The following EPHA6 variants were observed in gnomAD, a reference collection of about 807,000 sequenced individuals.
The protein encoded by EPHA6 is EPH receptor A6.
EPHA6 carries 50 observed loss-of-function variants against 112.0 expected under a neutral mutation model. The observed-to-expected ratio is 0.45, with a 90% CI of 0.36 to 0.56. EPHA6 has a LOEUF of 0.56. EPHA6 is among the 20% of genes least tolerant of loss of function. The pLI, the probability that EPHA6 is intolerant of heterozygous loss-of-function variation, is 0.00. For missense variants in EPHA6, 1,280 were observed against 1,417.4 expected (o/e 0.90, Z 1.56); for synonymous variants, 529 against 490.7 (o/e 1.08, Z -1.03).
chr3:97,524,773 T>C (rs966366149), intron 10 of EPHA6, among the ~76,000 whole-genome samples: 4 of 152,120 alleles, frequency 2.6e-5, no homozygotes, highest in African/African-American at 9.7e-5. Context: ...ACTTATTTTT[T>C]AGCACTTTCA....
intron 14 of EPHA6, among the ~76,000 whole-genome samples, chr3:97,701,457 C>G (rs2033383930): frequency 6.6e-6 from 1 of 152,026 alleles, no homozygotes. Flanking sequence ...AATTGGAGTG[C>G]ATTAACAGTT....
At chr3:96,964,243 G>C (rs1260141037) in intron 2 of EPHA6, among the ~76,000 whole-genome samples, 1 of 152,094 alleles carries the variant, frequency 6.6e-6, no homozygotes, top group African/African-American at 2.4e-5. Context: ...CTGCAGAAAA[G>C]AGGTGGCCCC....
intron 11 of EPHA6, among the ~76,000 whole-genome samples, chr3:97,543,894 T>C (rs955257920): frequency 7.9e-5 from 12 of 152,072 alleles, no homozygotes; most frequent in Non-Finnish European, 1.6e-4. Context: ...TGGCTCTCTG[T>C]CTGTTATTGG....
At chr3:97,735,843 C>T (rs1409228470) in intron 15 of EPHA6, 82 bp from the exon 16 acceptor site, 6 of 1,067,496 alleles carry the variant, frequency 5.6e-6, no homozygotes, top group African/African-American at 1.6e-5. Context: ...ATTTTGGCTT[C>T]TTCTGCTTGT....
chr3:97,312,019 A>C (rs1487756123), intron 5 of EPHA6, among the ~76,000 whole-genome samples: 1 of 151,578 alleles, frequency 6.6e-6, no homozygotes, highest in Non-Finnish European at 1.5e-5. Context: ...TTGTATATTT[A>C]ATGTTGAGAT....
At chr3:97,291,064 T>C (rs977089160) in intron 5 of EPHA6, among the ~76,000 whole-genome samples, 1 of 152,142 alleles carries the variant, frequency 6.6e-6, no homozygotes, top group Non-Finnish European at 1.5e-5. Context: ...GGCTGGCATG[T>C]TGTGTTTTGA....
chr3:97,434,143 C>T (rs1215425245), intron 6 of EPHA6, among the ~76,000 whole-genome samples: 1 of 151,992 alleles, frequency 6.6e-6, no homozygotes, highest in Non-Finnish European at 1.5e-5. Flanking sequence ...ATGTAAATCA[C>T]TTAGTGACAT....
chr3:96,849,082 A>G (rs2035242628), intron 1 of EPHA6, among the ~76,000 whole-genome samples: 2 of 152,172 alleles, frequency 1.3e-5, no homozygotes, highest in Admixed American at 6.6e-5. Context: ...GCTGAAGTAA[A>G]TAAGACATGA....
rs946389802 is a variant in EPHA6, at chr3:97,759,193, A to G, written c.*10492A>G. Among the ~76,000 whole-genome samples, 1 of 152,048 alleles carries G rather than the reference A, an allele frequency of 6.6e-6. No individual in the cohort carries two copies. The stretch of plus-strand genomic sequence containing the variant: ...TTAAGAAGTCAAGATTAGAACAAAG[A>G]CATGTCCATGGGAATTAGCAACATG... On this transcript the variant is annotated 3_prime_UTR_variant, in exon 18 of 18. Coordinates refer to ENST00000389672, the MANE Select transcript of EPHA6 (RefSeq NM_001080448.3).
intron 3 of EPHA6, among the ~76,000 whole-genome samples, chr3:97,181,583 A>ATG (rs1390119025): frequency 1.0e-4 from 13 of 129,196 alleles, no homozygotes; most frequent in African/African-American, 3.6e-4. Flanking sequence ...GTGTATATAT[A>ATG]TATGTGTGTG....
At chr3:97,582,725 A>G (rs564361083) in intron 11 of EPHA6, among the ~76,000 whole-genome samples, 2 of 152,310 alleles carry the variant, frequency 1.3e-5, no homozygotes, top group South Asian at 4.1e-4. Flanking sequence ...ATTAAATAGT[A>G]ACATGGAAAT....
chr3:97,564,586 A>T (rs1019024461), intron 11 of EPHA6, among the ~76,000 whole-genome samples: 1 of 152,192 alleles, frequency 6.6e-6, no homozygotes, highest in Non-Finnish European at 1.5e-5. Flanking sequence ...AAATTTAGAA[A>T]TCACAGAGTA....
intron 6 of EPHA6, among the ~76,000 whole-genome samples, chr3:97,424,643 A>G (rs1246687721): frequency 6.6e-6 from 1 of 151,936 alleles, no homozygotes; most frequent in East Asian, 1.9e-4. Flanking sequence ...ATCTCTACTA[A>G]AAATACAAAA....
intron 3 of EPHA6, among the ~76,000 whole-genome samples, chr3:97,103,867 T>C (rs191494253): frequency 3.3e-5 from 5 of 152,230 alleles, no homozygotes; most frequent in Admixed American, 6.5e-5. Context: ...TTCACCTCCC[T>C]GGTTAGCTGT....
In EPHA6 at chr3:97,308,566, A is replaced by G. The variant is rs189637961; in HGVS notation, c.1606+64279A>G. ...CCATCTTATCCCTCTATTAACTCCTAATTATCTTTCAAAAATCCAACTGAA... is the reference window on the plus strand; with the variant it reads ...CCATCTTATCCCTCTATTAACTCCTGATTATCTTTCAAAAATCCAACTGAA... On this transcript the variant is annotated intron_variant, in intron 5 of 17. Transcript: ENST00000389672. Among the ~76,000 whole-genome samples the G allele has an allele frequency of 1.1e-4, 16 of 151,802 alleles. No homozygotes were observed. The East Asian group carries it at 2.7e-3, about 26-fold the overall frequency.
At chr3:97,468,543 T>C (rs1023172495) in intron 7 of EPHA6, among the ~76,000 whole-genome samples, 2 of 151,592 alleles carry the variant, frequency 1.3e-5, no homozygotes. Flanking sequence ...GATATCAGTA[T>C]AATACTAAGT....
chr3:97,510,973 G>C (rs1340828047), intron 10 of EPHA6, among the ~76,000 whole-genome samples: 1 of 152,204 alleles, frequency 6.6e-6, no homozygotes, highest in Non-Finnish European at 1.5e-5. Flanking sequence ...CTTCCCAGCA[G>C]CTTTGTTTAC....
chr3:97,569,209 A>G lies in EPHA6; in HGVS notation c.2387-23403A>G, dbSNP rs549318285. On this transcript the variant is annotated intron_variant, in intron 11 of 17. Coordinates refer to ENST00000389672, the MANE Select transcript of EPHA6 (RefSeq NM_001080448.3). ...GTGTTGCTATTATTATTTTATATGC[A>G]TTTGTCTTCCCAAGTACACATAAAG... Among the ~76,000 whole-genome samples the G allele has an allele frequency of 7.2e-5, 11 of 152,276 alleles. No individual in the cohort carries two copies. In the East Asian group the frequency reaches 7.7e-4, roughly 11 times the overall value.
chr3:97,263,284 A>G (rs2079559251), intron 5 of EPHA6, among the ~76,000 whole-genome samples: 1 of 152,134 alleles, frequency 6.6e-6, no homozygotes, highest in Non-Finnish European at 1.5e-5. Flanking sequence ...TTAGAAATAA[A>G]TTCATTGATA....
Sources: gnomAD v4.1 joint callset for allele counts (sites outside exome capture counted in the v4.1 genomes callset) on GRCh38, gnomAD v4.1.1 for gene constraint, MANE v1.5 for transcripts, NCBI Gene and HGNC (gene_info 2026-07-23, HGNC 2026-07-21) for gene names.